The following LRRIQ3 variants were observed in gnomAD, a reference collection of about 807,000 sequenced individuals.
LRRIQ3 encodes leucine rich repeats and IQ motif containing 3.
Under a neutral mutation model 59.3 loss-of-function variants are expected in LRRIQ3, and 75 were observed. That is an observed-to-expected ratio of 1.26 (90% confidence interval 1.05 to 1.53). The LOEUF is 1.53. LRRIQ3 is among the 40% of genes most tolerant of loss of function. LRRIQ3 has a pLI of 0.00. For synonymous variants in LRRIQ3, 250 were observed against 231.3 expected (o/e 1.08, Z -0.73); for missense variants, 831 against 710.0 (o/e 1.17, Z -1.94).
chr1:74,055,563 T>C (rs1277315780), intron 6 of LRRIQ3, among the ~76,000 whole-genome samples: 2 of 152,288 alleles, frequency 1.3e-5, no homozygotes, highest in South Asian at 2.1e-4. Context: ...TCATTATACA[T>C]ATTCATTATA....
At chr1:74,138,120 T>G (rs1048658784) in intron 4 of LRRIQ3, among the ~76,000 whole-genome samples, 7 of 145,366 alleles carry the variant, frequency 4.8e-5, no homozygotes, top group Non-Finnish European at 1.1e-4. Context: ...AGAAAAGAAA[T>G]AAATATCCTG....
intron 5 of LRRIQ3, among the ~76,000 whole-genome samples, chr1:74,091,762 A>G (rs1435627680): frequency 6.6e-6 from 1 of 152,074 alleles, no homozygotes; most frequent in African/African-American, 2.4e-5. Flanking sequence ...GAAAGTATCT[A>G]TTTTATTTTA....
intron 6 of LRRIQ3, among the ~76,000 whole-genome samples, chr1:74,044,458 C>G (rs1654141087): frequency 6.6e-6 from 1 of 151,940 alleles, no homozygotes; most frequent in South Asian, 2.1e-4. Context: ...CCCACATCAC[C>G]TTCTGCCATA....
chr1:74,091,540 T>C (rs112868750), intron 5 of LRRIQ3, among the ~76,000 whole-genome samples: 9 of 152,100 alleles, frequency 5.9e-5, no homozygotes, highest in African/African-American at 2.2e-4. Context: ...ACAAGAAAAT[T>C]AGTGAACTGG....
intron 4 of LRRIQ3, among the ~76,000 whole-genome samples, chr1:74,141,765 T>C (rs1486760067): frequency 1.3e-5 from 2 of 151,980 alleles, no homozygotes; most frequent in Non-Finnish European, 2.9e-5. Flanking sequence ...AACAATATTA[T>C]TTTGGTAAAA....
chr1:74,095,213 T>A (rs1237854649), intron 5 of LRRIQ3: 1 of 152,108 alleles, frequency 6.6e-6, no homozygotes, highest in Non-Finnish European at 1.5e-5. Flanking sequence ...CCATGTATGC[T>A]GGAGCAACAG....
intron 4 of LRRIQ3, among the ~76,000 whole-genome samples, chr1:74,122,649 C>G (rs1331291092): frequency 6.6e-6 from 1 of 152,048 alleles, no homozygotes; most frequent in Non-Finnish European, 1.5e-5. Context: ...AAACTGGATG[C>G]CTTCCTTACA....
At chr1:74,132,865 G>A (rs1271465780) in intron 4 of LRRIQ3, among the ~76,000 whole-genome samples, 1 of 152,054 alleles carries the variant, frequency 6.6e-6, no homozygotes, top group Non-Finnish European at 1.5e-5. Flanking sequence ...TTGACAAATG[G>A]GATCTAATTA....
chr1:74,108,255 A>C (rs1335208237), intron 5 of LRRIQ3, among the ~76,000 whole-genome samples: 1 of 151,852 alleles, frequency 6.6e-6, no homozygotes, highest in African/African-American at 2.4e-5. Context: ...GTAAAAAAGC[A>C]GGTGGTATGC....
intron 1 of LRRIQ3, among the ~76,000 whole-genome samples, chr1:74,189,325 T>G (rs1449995175): frequency 6.6e-6 from 1 of 152,144 alleles, no homozygotes; most frequent in East Asian, 1.9e-4. Context: ...CACATTCTAC[T>G]GGTTACGACA....
chr1:74,116,474 A>T (rs904315038), intron 4 of LRRIQ3, among the ~76,000 whole-genome samples: 1 of 152,136 alleles, frequency 6.6e-6, no homozygotes, highest in Non-Finnish European at 1.5e-5. Context: ...TAACTTCAGC[A>T]ATTTCAGAAA....
intron 4 of LRRIQ3, among the ~76,000 whole-genome samples, chr1:74,127,717 C>T (rs1570164059): frequency 6.6e-6 from 1 of 151,670 alleles, no homozygotes; most frequent in Admixed American, 6.6e-5. Flanking sequence ...GAATAGTTAT[C>T]TTCTAGGTTG....
chr1:74,042,035 C>A, intron 6 of LRRIQ3, 102 bp from the exon 7 acceptor site: 1 of 1,181,434 alleles, frequency 8.5e-7, no homozygotes, highest in Non-Finnish European at 1.1e-6. Flanking sequence ...CTTTTATTTA[C>A]TTTACTAAGA....
intron 4 of LRRIQ3, among the ~76,000 whole-genome samples, chr1:74,148,640 T>C (rs1647728153): frequency 6.6e-6 from 1 of 152,200 alleles, no homozygotes; most frequent in Non-Finnish European, 1.5e-5. Context: ...AGTTATTCAG[T>C]GAAAATTCTG....
chr1:74,073,581 C>A (rs149199048), intron 6 of LRRIQ3, among the ~76,000 whole-genome samples: 82 of 150,474 alleles, frequency 5.4e-4, no homozygotes, highest in Middle Eastern at 6.8e-3. Flanking sequence ...TTTCAGCTGG[C>A]CTTCAACACA....
intron 6 of LRRIQ3, among the ~76,000 whole-genome samples, chr1:74,069,400 C>T (rs1348619356): frequency 1.3e-5 from 2 of 151,944 alleles, no homozygotes; most frequent in African/African-American, 4.8e-5. Flanking sequence ...ATGCTTCTTA[C>T]AGCAGCCGAT....
At chr1:74,075,304 C>G (rs1490122939) in intron 5 of LRRIQ3, among the ~76,000 whole-genome samples, 3 of 152,150 alleles carry the variant, frequency 2.0e-5, no homozygotes, top group African/African-American at 7.2e-5. Context: ...CAGGGGCTCA[C>G]ACCTGTAACC....
chr1:74,163,946 T>C (rs1648810968), intron 3 of LRRIQ3, among the ~76,000 whole-genome samples: 1 of 151,458 alleles, frequency 6.6e-6, no homozygotes, highest in African/African-American at 2.4e-5. Flanking sequence ...GAATAGTATG[T>C]AGTAATATCT....
At chr1:74,058,358 A>G (rs1002543594) in intron 6 of LRRIQ3, among the ~76,000 whole-genome samples, 37 of 152,162 alleles carry the variant, frequency 2.4e-4, no homozygotes, top group African/African-American at 8.4e-4. Flanking sequence ...AAAATGTGGT[A>G]TATATACACA....
Sources: gnomAD v4.1 joint callset for allele counts (sites outside exome capture counted in the v4.1 genomes callset) on GRCh38, gnomAD v4.1.1 for gene constraint, MANE v1.5 for transcripts, NCBI Gene and HGNC (gene_info 2026-07-23, HGNC 2026-07-21) for gene names.